The following RBFOX1 variants were observed in gnomAD, a reference collection of about 807,000 sequenced individuals.
RBFOX1 encodes RNA binding protein fox-1 homolog 1.
Under a neutral mutation model 57.7 loss-of-function variants are expected in RBFOX1, and 8 were observed. That is an observed-to-expected ratio of 0.14 (90% CI 0.08 to 0.25). The LOEUF (loss-of-function observed/expected upper bound fraction) is 0.25. Ranked by LOEUF, RBFOX1 falls within the 10% of genes least tolerant of loss-of-function variation. The pLI, the probability that RBFOX1 is intolerant of heterozygous loss-of-function variation, is 1.00. For synonymous variants in RBFOX1, 326 were observed against 222.4 expected (o/e 1.47, Z -4.15); for missense variants, 611 against 548.5 (o/e 1.11, Z -1.14).
At chr16:5,519,039 G>T (rs2043908715) in intron 2 of RBFOX1, among the ~76,000 whole-genome samples, 1 of 152,180 alleles carries the variant, frequency 6.6e-6, no homozygotes, top group Non-Finnish European at 1.5e-5. Flanking sequence ...TGTACAGAAG[G>T]AGAACTGTGT....
chr16:6,842,423 T>C (rs59807806), intron 3 of RBFOX1, among the ~76,000 whole-genome samples: 13 of 152,094 alleles, frequency 8.5e-5, no homozygotes, highest in African/African-American at 2.2e-4. Context: ...ATTCACTGTT[T>C]GGGCAACTTT....
At chr16:6,264,210 C>A (rs549306383) in intron 1 of RBFOX1, among the ~76,000 whole-genome samples, 1 of 152,244 alleles carries the variant, frequency 6.6e-6, no homozygotes, top group African/African-American at 2.4e-5. Flanking sequence ...ATCTGGATCA[C>A]TTTGACTACC....
intron 1 of RBFOX1, among the ~76,000 whole-genome samples, chr16:6,142,334 G>C (rs2096724259): frequency 6.8e-6 from 1 of 146,670 alleles, no homozygotes; most frequent in African/African-American, 2.5e-5. Flanking sequence ...CCATTCTCCT[G>C]TCTCAGCCTC....
intron 5 of RBFOX1, among the ~76,000 whole-genome samples, chr16:7,520,638 C>CT (rs1251360229): frequency 2.0e-5 from 3 of 152,178 alleles, no homozygotes; most frequent in East Asian, 3.9e-4. Flanking sequence ...CTGCTGCCGA[C>CT]TTTTTTGTAT....
At chr16:5,783,829 C>A (rs910774369) in intron 3 of RBFOX1, among the ~76,000 whole-genome samples, 1 of 152,120 alleles carries the variant, frequency 6.6e-6, no homozygotes, top group Admixed American at 6.5e-5. Context: ...TATTTTGGCT[C>A]TGTGTCTTGG....
At chr16:6,559,239 C>G (rs538884342) in intron 2 of RBFOX1, among the ~76,000 whole-genome samples, 2 of 151,860 alleles carry the variant, frequency 1.3e-5, no homozygotes, top group Non-Finnish European at 2.9e-5. Flanking sequence ...TAAGTTGTGC[C>G]TTATAACCAA....
intron 2 of RBFOX1, among the ~76,000 whole-genome samples, chr16:6,648,813 G>A (rs1045685297): frequency 4.6e-5 from 7 of 151,766 alleles, no homozygotes; most frequent in African/African-American, 1.7e-4. Context: ...TGAGAATCTG[G>A]GTATTTTTCT....
intron 3 of RBFOX1, among the ~76,000 whole-genome samples, chr16:6,759,398 G>C (rs900292332): frequency 1.3e-5 from 2 of 151,906 alleles, no homozygotes; most frequent in African/African-American, 4.8e-5. Context: ...TGATCTGCCT[G>C]CCTCAGCCTC....
intron 4 of RBFOX1, among the ~76,000 whole-genome samples, chr16:7,330,801 C>A (rs1229838415): frequency 6.6e-6 from 1 of 151,974 alleles, no homozygotes; most frequent in Non-Finnish European, 1.5e-5. Flanking sequence ...CAGGCCTTAC[C>A]TAAGTAAGTA....
intron 4 of RBFOX1, among the ~76,000 whole-genome samples, chr16:7,115,969 A>G (rs1320931116): frequency 6.6e-6 from 1 of 152,214 alleles, no homozygotes; most frequent in Admixed American, 6.5e-5. Flanking sequence ...TACCAAGGGT[A>G]AGGATAATGA....
At chr16:5,295,741 C>G (rs764583719) in intron 1 of RBFOX1, among the ~76,000 whole-genome samples, 1 of 152,178 alleles carries the variant, frequency 6.6e-6, no homozygotes, top group African/African-American at 2.4e-5. Flanking sequence ...ATCCCATCAC[C>G]TCTGCCATAT....
At chr16:6,583,655 C>G (rs1056712379) in intron 2 of RBFOX1, among the ~76,000 whole-genome samples, 1 of 152,166 alleles carries the variant, frequency 6.6e-6, no homozygotes, top group African/African-American at 2.4e-5. Flanking sequence ...GTCAAGGTAA[C>G]TAGGTATTTT....
chr16:6,785,951 C>T (rs755872511), intron 3 of RBFOX1, among the ~76,000 whole-genome samples: 12 of 152,212 alleles, frequency 7.9e-5, no homozygotes, highest in Admixed American at 1.3e-4. Context: ...CATGTGACTT[C>T]CCAGGTGGCA....
At chr16:6,292,840 G>C (rs1193211420) in intron 1 of RBFOX1, among the ~76,000 whole-genome samples, 1 of 152,160 alleles carries the variant, frequency 6.6e-6, no homozygotes, top group Non-Finnish European at 1.5e-5. Context: ...ACATTTCTGA[G>C]CACTTCCGTT....
chr16:6,112,139 G>C (rs1597406263), intron 1 of RBFOX1, among the ~76,000 whole-genome samples: 1 of 152,116 alleles, frequency 6.6e-6, no homozygotes, highest in Non-Finnish European at 1.5e-5. Context: ...TAGCTAGCTG[G>C]AGCCAATTAA....
chr16:7,552,448 G>A (rs10852686), intron 5 of RBFOX1, among the ~76,000 whole-genome samples: 7,532 of 152,176 alleles, frequency 0.049, 255 homozygotes, highest in East Asian at 0.12. Context: ...GCAGCAGGGT[G>A]TCTTCAGAGA....
intron 4 of RBFOX1, among the ~76,000 whole-genome samples, chr16:7,373,855 G>A (rs553606233): frequency 1.8e-4 from 27 of 152,324 alleles, no homozygotes; most frequent in African/African-American, 6.0e-4. Context: ...AAGATGCTCA[G>A]CTTCTCGTGA....
chr16:7,045,573 CGTCATTGTGCTTTT>C (rs2047631444), intron 3 of RBFOX1, among the ~76,000 whole-genome samples: 1 of 152,026 alleles, frequency 6.6e-6, no homozygotes, highest in African/African-American at 2.4e-5. Flanking sequence ...CCTTCAGTGT[CGTCATTGTGCTTTT>C]GTGAGTCTGG....
chr16:6,748,121 A>AT (rs562361077), intron 3 of RBFOX1, among the ~76,000 whole-genome samples: 232 of 151,852 alleles, frequency 1.5e-3, no homozygotes, highest in African/African-American at 5.2e-3. Context: ...TGGTAGGATC[A>AT]TTTTTTTTCC....
Sources: allele counts gnomAD v4.1 joint callset (sites outside exome capture counted in the v4.1 genomes callset), GRCh38; gene constraint gnomAD v4.1.1; transcripts MANE v1.5; gene names NCBI Gene and HGNC (gene_info 2026-07-23, HGNC 2026-07-21).